PCDH15: variants seen among roughly 807,000 people sequenced by gnomAD.
PCDH15 encodes protocadherin-15.
In PCDH15, 129 loss-of-function variants were observed where a neutral mutation model predicts 178.5. The observed-to-expected ratio is 0.72, with a 90% CI of 0.63 to 0.84. The LOEUF (loss-of-function observed/expected upper bound fraction) is 0.84. Ranked by LOEUF, PCDH15 falls within the 40% of genes least tolerant of loss-of-function variation. The pLI is 0.00. For synonymous variants in PCDH15, 800 were observed against 732.0 expected (o/e 1.09, Z -1.50); for missense variants, 2,230 against 2,099.9 (o/e 1.06, Z -1.21).
At chr10:54,166,372 A>T (rs1180252435) in intron 13 of PCDH15, among the ~76,000 whole-genome samples, 1 of 152,220 alleles carries the variant, frequency 6.6e-6, no homozygotes, top group African/African-American at 2.4e-5. Flanking sequence ...TACTCGTTCT[A>T]CGTATTTTTC....
chr10:55,565,840 C>T (rs536899921), intron 2 of PCDH15, among the ~76,000 whole-genome samples: 4 of 151,706 alleles, frequency 2.6e-5, no homozygotes, highest in African/African-American at 9.6e-5. Context: ...GACTGAACCA[C>T]TAATAAAATA....
At chr10:54,136,498 T>C (rs2042915479) in intron 14 of PCDH15, among the ~76,000 whole-genome samples, 1 of 152,142 alleles carries the variant, frequency 6.6e-6, no homozygotes, top group African/African-American at 2.4e-5. Flanking sequence ...GATCTTCAGT[T>C]TACTGGTCAA....
chr10:53,876,936 C>A (rs2080291000), intron 26 of PCDH15, among the ~76,000 whole-genome samples: 1 of 152,128 alleles, frequency 6.6e-6, no homozygotes, highest in South Asian at 2.1e-4. Flanking sequence ...GGCTGGGTTT[C>A]GGTTAGAATT....
chr10:54,239,654 T>C (rs536734769), intron 8 of PCDH15, among the ~76,000 whole-genome samples: 7 of 152,082 alleles, frequency 4.6e-5, no homozygotes, highest in Non-Finnish European at 1.0e-4. Context: ...AATTATAGTA[T>C]TGAGAATAAA....
chr10:54,450,731 T>C (rs377438162), intron 3 of PCDH15, among the ~76,000 whole-genome samples: 2 of 151,978 alleles, frequency 1.3e-5, no homozygotes, highest in South Asian at 4.1e-4. Flanking sequence ...ATGACACCTA[T>C]GATATTTACT....
chr10:55,106,646 C>A (rs914983068), intron 2 of PCDH15, among the ~76,000 whole-genome samples: 1 of 152,232 alleles, frequency 6.6e-6, no homozygotes, highest in African/African-American at 2.4e-5. Context: ...GAACTCCTGA[C>A]CTCAGGTGAT....
At chr10:55,154,613 C>T (rs1050105110) in intron 2 of PCDH15, among the ~76,000 whole-genome samples, 1 of 152,112 alleles carries the variant, frequency 6.6e-6, no homozygotes, top group Non-Finnish European at 1.5e-5. Context: ...ATGCTTCATG[C>T]CATGTTAACA....
At chr10:53,885,027 G>C (rs1025293226) in intron 26 of PCDH15, among the ~76,000 whole-genome samples, 1 of 152,002 alleles carries the variant, frequency 6.6e-6, no homozygotes, top group Admixed American at 6.6e-5. Context: ...ATATTTTATA[G>C]GTAATTCATT....
chr10:54,996,836 C>T (rs1193581168), intron 2 of PCDH15, among the ~76,000 whole-genome samples: 5 of 151,976 alleles, frequency 3.3e-5, no homozygotes, highest in African/African-American at 9.7e-5. Context: ...GCTGGCTGGG[C>T]GCGGTGGCTC....
intron 2 of PCDH15, among the ~76,000 whole-genome samples, chr10:55,334,221 C>CATATATATATATATATATATATATAT (rs34468887): frequency 8.0e-5 from 5 of 62,840 alleles, no homozygotes; most frequent in African/African-American, 3.3e-4. Flanking sequence ...TAGGGTGCTC[C>CATATATATATATATATATATATATAT]ATATATATAT....
At chr10:54,585,321 AAG>A (rs1290170475) in intron 2 of PCDH15, among the ~76,000 whole-genome samples, 4 of 152,136 alleles carry the variant, frequency 2.6e-5, no homozygotes, top group Admixed American at 6.6e-5. Context: ...TTTCCCAACT[AAG>A]AGGTACAGAA....
intron 2 of PCDH15, among the ~76,000 whole-genome samples, chr10:55,150,280 T>C (rs1838672255): frequency 6.6e-6 from 1 of 151,992 alleles, no homozygotes; most frequent in African/African-American, 2.4e-5. Context: ...GAGAAAACAA[T>C]GTCAGTTACT....
At chr10:54,754,494 C>T (rs369717188) in intron 1 of PCDH15, among the ~76,000 whole-genome samples, 3 of 151,764 alleles carry the variant, frequency 2.0e-5, no homozygotes, top group Non-Finnish European at 2.9e-5. Flanking sequence ...ATTAATATGC[C>T]GACACACATC....
chr10:54,176,948 T>A (rs2133713884), intron 13 of PCDH15, among the ~76,000 whole-genome samples: 1 of 125,858 alleles, frequency 7.9e-6, no homozygotes, highest in South Asian at 2.2e-4. Context: ...TGAAAATTTA[T>A]GTCCATGTAA....
rs145211844 is a variant in PCDH15 at position 54,437,616 on chromosome 10, T to A, written c.158-58674A>T. Among the ~76,000 whole-genome samples the A allele has an allele frequency of 3.9e-5, 6 of 152,302 alleles. No individual in the cohort carries two copies. In the East Asian group the frequency reaches 1.2e-3, roughly 29 times the overall value. On this transcript the variant is annotated intron_variant, in intron 3 of 37. Coordinates refer to ENST00000644397, the MANE Select transcript of PCDH15 (RefSeq NM_001384140.1). The stretch of plus-strand genomic sequence containing the variant: ...CACTGTCTCAACTCATGGTATCTTG[T>A]TAGCAAAAGTGCCTCTATTGTCCAG...
At chr10:54,581,372 C>G (rs1472351701) in intron 2 of PCDH15, among the ~76,000 whole-genome samples, 1 of 151,962 alleles carries the variant, frequency 6.6e-6, no homozygotes, top group African/African-American at 2.4e-5. Flanking sequence ...TGAATACATC[C>G]AACAAAGAGG....
At chr10:54,917,743 G>A (rs1837377540) in intron 2 of PCDH15, among the ~76,000 whole-genome samples, 1 of 152,110 alleles carries the variant, frequency 6.6e-6, no homozygotes, top group South Asian at 2.1e-4. Flanking sequence ...TTAAATTCAA[G>A]TTCCTTTTGG....
intron 8 of PCDH15, among the ~76,000 whole-genome samples, chr10:54,250,211 A>G (rs2056352786): frequency 6.6e-6 from 1 of 150,990 alleles, no homozygotes; most frequent in Non-Finnish European, 1.5e-5. Flanking sequence ...CCTGGCCTAT[A>G]AAATGTAATC....
At chr10:54,173,315 G>A (rs914822744) in intron 13 of PCDH15, among the ~76,000 whole-genome samples, 15 of 151,844 alleles carry the variant, frequency 9.9e-5, no homozygotes, top group African/African-American at 2.9e-4. Context: ...GGCATCGTGC[G>A]CAATACTTTA....
Sources: allele counts gnomAD v4.1 joint callset (sites outside exome capture counted in the v4.1 genomes callset), GRCh38; gene constraint gnomAD v4.1.1; transcripts MANE v1.5; gene names NCBI Gene and HGNC (gene_info 2026-07-23, HGNC 2026-07-21).